Variants in SYCP2 observed in about 807,000 individuals in gnomAD.
SYCP2 encodes synaptonemal complex lateral element protein.
Under a neutral mutation model 211.3 loss-of-function variants are expected in SYCP2, and 55 were observed. The ratio of observed to expected loss-of-function variants is 0.26; its 90% CI spans 0.21 to 0.33. The LOEUF is 0.33. Ranked by LOEUF, SYCP2 falls within the 10% of genes least tolerant of loss-of-function variation. The pLI, the probability that SYCP2 is intolerant of heterozygous loss-of-function variation, is 1.00. For missense variants in SYCP2, 1,731 were observed against 1,752.0 expected (o/e 0.99, Z 0.21); for synonymous variants, 570 against 555.2 (o/e 1.03, Z -0.37).
At chr20:59,891,072 T>C (rs1025616328) in intron 24 of SYCP2, among the ~76,000 whole-genome samples, 7 of 152,026 alleles carry the variant, frequency 4.6e-5, no homozygotes, top group Non-Finnish European at 7.4e-5. Context: ...TGCCTAATTA[T>C]ATACAATTGC....
chr20:59,881,214 A>C (rs2059672750), intron 29 of SYCP2, among the ~76,000 whole-genome samples, 191 bp from the exon 30 acceptor site: 1 of 151,776 alleles, frequency 6.6e-6, no homozygotes, highest in African/African-American at 2.4e-5. Flanking sequence ...AGAACTACTA[A>C]GTCTTTTTAG....
intron 35 of SYCP2, among the ~76,000 whole-genome samples, chr20:59,871,105 A>G (rs1483993454): frequency 6.6e-6 from 1 of 151,914 alleles, no homozygotes; most frequent in Non-Finnish European, 1.5e-5. Context: ...TACATTATAT[A>G]CAACGAATAA....
chr20:59,880,242 T>C, intron 31 of SYCP2, 61 bp downstream of exon 31: 1 of 1,345,972 alleles, frequency 7.4e-7, no homozygotes, highest in Admixed American at 2.1e-5. Flanking sequence ...TAAAGCATTT[T>C]CAATAATTGA....
chr20:59,908,551 T>C (rs890666519), intron 14 of SYCP2, among the ~76,000 whole-genome samples: 1 of 152,208 alleles, frequency 6.6e-6, no homozygotes, highest in Non-Finnish European at 1.5e-5. Flanking sequence ...GTTGGCATAC[T>C]CTATTCCCAA....
chr20:59,915,570 A>G lies in SYCP2; in HGVS notation c.514-20T>C. ...TATAATCTAGAAAAGAAAAAAAGATAATGCATTAACTTTACATTCAGTGAA... is the reference window on the plus strand; with the variant it reads ...TATAATCTAGAAAAGAAAAAAAGATGATGCATTAACTTTACATTCAGTGAA... On this transcript the variant is annotated intron_variant, in intron 8 of 44. Coordinates refer to ENST00000357552, the MANE Select transcript of SYCP2 (RefSeq NM_014258.4). 7.1e-7 allele frequency: 1 copy of G among 1,411,374 alleles called. No individual in the cohort carries two copies. 87.4% of individuals were successfully genotyped at this position (1,411,374 alleles called of 1,614,324 possible). A position where few individuals can be genotyped will look rare whatever the true frequency, so the allele number is the denominator to read the frequency against.
chr20:59,930,079 T>C (rs1464957361), intron 2 of SYCP2, among the ~76,000 whole-genome samples: 3 of 152,152 alleles, frequency 2.0e-5, no homozygotes, highest in African/African-American at 7.2e-5. Context: ...CAGGCATCTC[T>C]ATTAGCTCAA....
In SYCP2 at chr20:59,919,185, GAAAA is replaced by G; in HGVS notation, c.403-7_403-4del. On this transcript the variant is annotated splice_region_variant and splice_polypyrimidine_tract_variant and intron_variant, in intron 6 of 44. Coordinates refer to ENST00000357552, the MANE Select transcript of SYCP2 (RefSeq NM_014258.4). Reference sequence around the variant, plus strand: ...TCATCACTGACATCATGTATGACCTGAAAAAAAGTGAATAATATTTAATTTACAA... The same window carrying G: ...TCATCACTGACATCATGTATGACCTGAAAGTGAATAATATTTAATTTACAA... 8.2e-7 allele frequency: 1 copy of G among 1,219,936 alleles called. No individual in the cohort carries two copies. The highest frequency in any genetic ancestry group is 1.2e-6 in the Non-Finnish European group (1 of 847,320). 75.6% of individuals were successfully genotyped at this position (1,219,936 alleles called of 1,614,324 possible). A position where few individuals can be genotyped will look rare whatever the true frequency, so the allele number is the denominator to read the frequency against.
chr20:59,901,748 C>G lies in SYCP2; in HGVS notation c.1096G>C (p.Glu366Gln), dbSNP rs775238694. 1.2e-6 allele frequency: 2 copies of G among 1,605,148 alleles called. No individual in the cohort carries two copies. The highest frequency in any genetic ancestry group is 1.7e-6 in the Non-Finnish European group (2 of 1,175,504). The change falls in exon 16 of 45, where the codon GAA becomes CAA. Residue 366 changes from glutamate (E) to glutamine (Q), a missense_variant. By Grantham distance (29) the Glu-to-Gln change is conservative. Around this residue, in one of 3 missense-constraint regions of SYCP2, gnomAD observed 1,387 missense variants for 1,351.3 expected, o/e 1.03. Coordinates refer to ENST00000357552, the MANE Select transcript of SYCP2 (RefSeq NM_014258.4). ...AAATACAAAAGCAATTCTTTCCCTT[C>G]TCTTTTGCTAATTTTTACTGTATTT... is the stretch of plus-strand genomic sequence containing the variant. The part of the protein sequence containing the change: ...LKNTVKISKR[E>Q]GKELLLYFDA...
In SYCP2 at chr20:59,865,628, A is replaced by G. The variant is rs771720640; in HGVS notation, c.4403T>C (p.Leu1468Ser). The G allele has an allele frequency of 1.9e-6, 3 of 1,600,072 alleles. No individual in the cohort carries two copies. Among genetic ancestry groups the G allele is most frequent in the South Asian group, 2.3e-5 (2 of 88,058 alleles). The change falls in exon 43 of 45, where the codon TTG (leucine) becomes TCG (serine). Residue 1468 changes from leucine to serine, a missense_variant. Coordinates refer to ENST00000357552, the MANE Select transcript of SYCP2 (RefSeq NM_014258.4). ...QQRLHLLKTS[L>S]AKSVFCNTDS... ...AGTATTACAGAAGACACTTTTAGCC[A>G]ATGAAGTTTTCAAAAGATGAAGCCT...
chr20:59,893,096 C>T (rs765148181), intron 22 of SYCP2, 46 bp downstream of exon 22: 3 of 1,275,874 alleles, frequency 2.4e-6, no homozygotes, highest in Admixed American at 4.3e-5. Context: ...TCACTGAAAA[C>T]AGCATTAGTA....
At chr20:59,883,060 T>G (rs914827911) in intron 26 of SYCP2, among the ~76,000 whole-genome samples, 1 of 152,114 alleles carries the variant, frequency 6.6e-6, no homozygotes, top group Non-Finnish European at 1.5e-5. Context: ...TATAATTGCA[T>G]TCCTAGGGCT....
rs1017722315 is a variant in SYCP2 at position 59,867,796 on chromosome 20, T to C, written c.4040A>G (p.Glu1347Gly). ...CCCTGCAAATTCATTTTGCCAGGTCTCCCAAGGAATAGAAAAGTCATTTGT... is the reference window on the plus strand; with the variant it reads ...CCCTGCAAATTCATTTTGCCAGGTCCCCCAAGGAATAGAAAAGTCATTTGT... ...LSTNDFSIPW[E>G]TWQNEFAGIE... The change falls in exon 39 of 45, where the codon GAG becomes GGG. Residue 1347 changes from glutamate to glycine, a missense_variant. Transcript: ENST00000357552. 1.9e-6 allele frequency: 3 copies of C among 1,609,672 alleles called. No homozygotes were observed. Among genetic ancestry groups the C allele is most frequent in the Non-Finnish European group, 2.5e-6 (3 of 1,177,004 alleles).
At chr20:59,890,900 T>C (rs992210620) in intron 24 of SYCP2, among the ~76,000 whole-genome samples, 2 of 151,356 alleles carry the variant, frequency 1.3e-5, no homozygotes, top group Admixed American at 6.6e-5. Flanking sequence ...GGGAAGTAAA[T>C]AGCAGCTAAG....
At chr20:59,889,265 T>G (rs1422991531) in intron 24 of SYCP2, among the ~76,000 whole-genome samples, 1 of 146,188 alleles carries the variant, frequency 6.8e-6, no homozygotes, top group Non-Finnish European at 1.6e-5. Flanking sequence ...CAATAATGAC[T>G]CATCAATTCT....
chr20:59,873,176 T>C (rs1600816158), intron 35 of SYCP2, among the ~76,000 whole-genome samples: 1 of 152,156 alleles, frequency 6.6e-6, no homozygotes, highest in Non-Finnish European at 1.5e-5. Context: ...AACTTCCACA[T>C]ACCTTATTTT....
At chr20:59,930,275 A>T (rs958192044) in intron 2 of SYCP2, among the ~76,000 whole-genome samples, 3 of 151,938 alleles carry the variant, frequency 2.0e-5, no homozygotes, top group Admixed American at 2.0e-4. Context: ...TAAAAAAAAA[A>T]TGCTTAAAGA....
chr20:59,905,263 T>C (rs1216371213), intron 15 of SYCP2, among the ~76,000 whole-genome samples: 4 of 152,162 alleles, frequency 2.6e-5, no homozygotes, highest in Non-Finnish European at 5.9e-5. Flanking sequence ...CTTCTTAGTA[T>C]TTACCTGAGA....
intron 13 of SYCP2, 157 bp from the exon 14 acceptor site, chr20:59,912,002 A>T (rs2060340580): frequency 2.2e-6 from 1 of 450,682 alleles, no homozygotes. Context: ...TTTAAAAACA[A>T]TCAAATGAAA....
chr20:59,916,965 G>A (rs73309261), intron 7 of SYCP2, among the ~76,000 whole-genome samples: 4,609 of 152,180 alleles, frequency 0.03, 225 homozygotes, highest in African/African-American at 0.1. Context: ...TACTACTGCA[G>A]TTCAGAAGAA....
Sources: allele counts gnomAD v4.1 joint callset (sites outside exome capture counted in the v4.1 genomes callset), GRCh38; gene constraint gnomAD v4.1.1; regional missense constraint gnomAD v4.1.1; transcripts MANE v1.5; gene names NCBI Gene and HGNC (gene_info 2026-07-23, HGNC 2026-07-21).